TNIK: variants seen among roughly 807,000 people sequenced by gnomAD.
The protein encoded by TNIK is TRAF2 and NCK-interacting protein kinase.
Under a neutral mutation model 191.3 loss-of-function variants are expected in TNIK, and 49 were observed. The observed-to-expected ratio is 0.26, with a 90% confidence interval of 0.20 to 0.32. The LOEUF is 0.32. Ranked by LOEUF, TNIK falls within the 10% of genes least tolerant of loss-of-function variation. TNIK has a pLI of 1.00. For synonymous variants in TNIK, 594 were observed against 600.9 expected (o/e 0.99, Z 0.17); for missense variants, 1,155 against 1,702.3 (o/e 0.68, Z 5.66).
intron 2 of TNIK, among the ~76,000 whole-genome samples, chr3:171,356,416 AAC>A (rs1228337059): frequency 1.4e-4 from 21 of 152,180 alleles, no homozygotes; most frequent in Admixed American, 1.3e-3. Flanking sequence ...GTTGTACAAA[AAC>A]ACAGTGTCCC....
In TNIK at chr3:171,153,343, A is replaced by ATAATTC. The variant is rs143933323; in HGVS notation, c.1221+4111_1221+4116dup. Among the ~76,000 whole-genome samples the ATAATTC allele has an allele frequency of 3.0e-3, 456 of 152,112 alleles. 1 individual carries two copies. The highest frequency in any genetic ancestry group is 0.011 in the African/African-American group (437 of 41,488). On this transcript the variant is annotated intron_variant, in intron 12 of 32. Coordinates refer to ENST00000436636, the MANE Select transcript of TNIK (RefSeq NM_015028.4). ...TGTGTACTTTTATTACCACAAACCAATAATTCCTATTTTTCTTATTTTTGA... is the reference window on the plus strand; with the variant it reads ...TGTGTACTTTTATTACCACAAACCAATAATTCTAATTCCTATTTTTCTTATTTTTGA...
intron 3 of TNIK, among the ~76,000 whole-genome samples, chr3:171,212,393 T>G (rs1347998161): frequency 1.3e-5 from 2 of 152,168 alleles, no homozygotes; most frequent in African/African-American, 4.8e-5. Context: ...TCATAGCCCC[T>G]ACACTCCTTC....
At chr3:171,285,336 TTTG>T (rs1446167640) in intron 2 of TNIK, among the ~76,000 whole-genome samples, 1 of 152,208 alleles carries the variant, frequency 6.6e-6, no homozygotes, top group Non-Finnish European at 1.5e-5. Context: ...GGCTGCTGAA[TTTG>T]TTATCAGTGG....
At chr3:171,440,684 G>A (rs1036239636) in intron 1 of TNIK, among the ~76,000 whole-genome samples, 1 of 152,190 alleles carries the variant, frequency 6.6e-6, no homozygotes, top group African/African-American at 2.4e-5. Context: ...AACATAGCTT[G>A]CCTTTGTGGA....
chr3:171,098,299 A>AT (rs143138158), intron 22 of TNIK, among the ~76,000 whole-genome samples: 6,716 of 152,050 alleles, frequency 0.044, 513 homozygotes, highest in African/African-American at 0.15. Context: ...TAAAGCTTTT[A>AT]TTTTTTTCCT....
chr3:171,196,908 T>C (rs1577091861), intron 4 of TNIK, among the ~76,000 whole-genome samples: 1 of 141,882 alleles, frequency 7.0e-6, no homozygotes, highest in Non-Finnish European at 1.5e-5. Flanking sequence ...GCACCCGCCA[T>C]CACGCCCGGC....
intron 1 of TNIK, among the ~76,000 whole-genome samples, chr3:171,446,921 T>G (rs1236106669): frequency 6.6e-6 from 1 of 152,234 alleles, no homozygotes; most frequent in Non-Finnish European, 1.5e-5. Flanking sequence ...CCAAGCTCAG[T>G]GGCTCACGCC....
chr3:171,407,595 T>G (rs1278584539), intron 1 of TNIK, among the ~76,000 whole-genome samples: 2 of 152,152 alleles, frequency 1.3e-5, no homozygotes, highest in Non-Finnish European at 2.9e-5. Flanking sequence ...ACACCTACCC[T>G]CTGCAAATCA....
chr3:171,100,506 A>G (rs1322735468), intron 22 of TNIK, among the ~76,000 whole-genome samples: 1 of 152,130 alleles, frequency 6.6e-6, no homozygotes, highest in African/African-American at 2.4e-5. Flanking sequence ...CTTCTTTTTT[A>G]TATAGAGTGA....
chr3:171,248,748 G>A (rs1287693034), intron 2 of TNIK, among the ~76,000 whole-genome samples: 1 of 152,168 alleles, frequency 6.6e-6, no homozygotes, highest in Non-Finnish European at 1.5e-5. Flanking sequence ...CCAGGTAATA[G>A]CAATATAACT....
chr3:171,116,688 G>C (rs1726752335), intron 18 of TNIK, among the ~76,000 whole-genome samples: 1 of 149,202 alleles, frequency 6.7e-6, no homozygotes, highest in Non-Finnish European at 1.5e-5. Context: ...TTAGTCATTG[G>C]GTTTGACTGG....
chr3:171,278,392 TATCAAC>T (rs1207064214), intron 2 of TNIK, among the ~76,000 whole-genome samples: 1 of 152,150 alleles, frequency 6.6e-6, no homozygotes, highest in Non-Finnish European at 1.5e-5. Flanking sequence ...GAATGAAGCT[TATCAAC>T]ATCAACATAA....
At chr3:171,124,179 G>T (rs1728160637) in intron 17 of TNIK, among the ~76,000 whole-genome samples, 1 of 152,158 alleles carries the variant, frequency 6.6e-6, no homozygotes, top group Non-Finnish European at 1.5e-5. Flanking sequence ...TAGAATATCA[G>T]GATAGAGCTT....
chr3:171,388,501 T>C (rs1315888118), intron 1 of TNIK, among the ~76,000 whole-genome samples: 1 of 152,226 alleles, frequency 6.6e-6, no homozygotes, highest in Non-Finnish European at 1.5e-5. Context: ...GCATTAGCTA[T>C]GTGACTGAGC....
chr3:171,301,855 T>C (rs1752919151), intron 2 of TNIK, among the ~76,000 whole-genome samples: 1 of 152,218 alleles, frequency 6.6e-6, no homozygotes, highest in African/African-American at 2.4e-5. Flanking sequence ...TACTGTGACA[T>C]GTTCTTGTTC....
intron 2 of TNIK, among the ~76,000 whole-genome samples, chr3:171,294,074 A>G (rs1477489663): frequency 6.6e-6 from 1 of 152,000 alleles, no homozygotes; most frequent in Non-Finnish European, 1.5e-5. Flanking sequence ...AAAATACAAA[A>G]AAAAATTAGC....
In TNIK at chr3:171,273,444, G is replaced by A. The variant is rs1478513058; in HGVS notation, c.124-45223C>T. Among the ~76,000 whole-genome samples the A allele has an allele frequency of 4.6e-5, 7 of 152,182 alleles. No homozygotes were observed. In the South Asian group the frequency reaches 1.5e-3, roughly 32 times the overall value. ...TGTGCTGCCTGGGGCTGGGGTAGGG[G>A]TGATGCAAGTGAGTAATGTAGAACT... On this transcript the variant is annotated intron_variant, in intron 2 of 32. Coordinates refer to ENST00000436636, the MANE Select transcript of TNIK (RefSeq NM_015028.4).
intron 30 of TNIK, 92 bp downstream of exon 30, chr3:171,068,756 A>G (rs1718790300): frequency 2.3e-6 from 3 of 1,332,324 alleles, no homozygotes; most frequent in African/African-American, 1.5e-5. Context: ...TAAAGTGTGC[A>G]TGACTTCTAC....
chr3:171,171,669 T>A (rs1735300527), intron 9 of TNIK, among the ~76,000 whole-genome samples: 1 of 152,174 alleles, frequency 6.6e-6, no homozygotes, highest in African/African-American at 2.4e-5. Flanking sequence ...CTCCAGAAAG[T>A]CCTGGAGGGA....
Sources: allele counts gnomAD v4.1 joint callset (sites outside exome capture counted in the v4.1 genomes callset), GRCh38; gene constraint gnomAD v4.1.1; transcripts MANE v1.5; gene names NCBI Gene and HGNC (gene_info 2026-07-23, HGNC 2026-07-21).